The following ROBO2 variants were observed in gnomAD, a reference collection of about 807,000 sequenced individuals.
ROBO2 encodes roundabout guidance receptor 2, also known as roundabout homolog 2.
A neutral mutation model predicts 160.8 loss-of-function variants in ROBO2; 53 were observed. The ratio of observed to expected loss-of-function variants is 0.33; its 90% confidence interval spans 0.26 to 0.41. The LOEUF (loss-of-function observed/expected upper bound fraction) is 0.41, where lower values mean the gene tolerates loss of function less well. Ranked by LOEUF, ROBO2 falls within the 10% of genes least tolerant of loss-of-function variation. ROBO2 has a pLI of 1.00. For synonymous variants in ROBO2, 664 were observed against 611.7 expected (o/e 1.09, Z -1.26); for missense variants, 1,577 against 1,722.4 (o/e 0.92, Z 1.49).
chr3:76,290,015 C>T (rs959488704), intron 2 of ROBO2, among the ~76,000 whole-genome samples: 16 of 151,616 alleles, frequency 1.1e-4, no homozygotes, highest in Admixed American at 1.1e-3. Flanking sequence ...AGTTTTTTTT[C>T]CCTAATTCTA....
intron 2 of ROBO2, among the ~76,000 whole-genome samples, chr3:77,236,933 G>T (rs1472022905): frequency 6.6e-6 from 1 of 152,262 alleles, no homozygotes; most frequent in Non-Finnish European, 1.5e-5. Flanking sequence ...GAGTGCAGTG[G>T]TGCAGTCACA....
intron 2 of ROBO2, among the ~76,000 whole-genome samples, chr3:76,704,533 C>G (rs947494912): frequency 2.0e-5 from 3 of 152,016 alleles, no homozygotes; most frequent in Admixed American, 6.6e-5. Flanking sequence ...AGGGGTAACA[C>G]GATGAATCAT....
intron 24 of ROBO2, among the ~76,000 whole-genome samples, chr3:77,641,765 TAAAAG>T (rs1034696463): frequency 3.9e-5 from 6 of 152,010 alleles, no homozygotes; most frequent in Non-Finnish European, 8.8e-5. Context: ...AATACATACT[TAAAAG>T]AGAAAGAAAG....
rs530995389 is a variant in ROBO2 at position 77,291,047 on chromosome 3, G to A, written c.389-186367G>A. Reference sequence around the variant, plus strand: ...CATGAAGTAAAATTGATGGTTAAACGAGTAAGCTGAGGCTAGATCACCCCA... The same window carrying A: ...CATGAAGTAAAATTGATGGTTAAACAAGTAAGCTGAGGCTAGATCACCCCA... On this transcript the variant is annotated intron_variant, in intron 2 of 25. Coordinates refer to ENST00000461745, the Ensembl canonical transcript of ROBO2. Among the ~76,000 whole-genome samples, 68 of 150,270 alleles carry A rather than the reference G, an allele frequency of 4.5e-4. 1 individual carries two copies. Among genetic ancestry groups the A allele is most frequent in the Non-Finnish European group, 6.5e-4 (44 of 67,820 alleles).
chr3:77,186,078 T>A (rs1282559551), intron 2 of ROBO2, among the ~76,000 whole-genome samples: 1 of 151,922 alleles, frequency 6.6e-6, no homozygotes, highest in Non-Finnish European at 1.5e-5. Context: ...TTGGGTGCAG[T>A]GTGTACTGCT....
At chr3:76,408,305 G>T (rs964407157) in intron 2 of ROBO2, among the ~76,000 whole-genome samples, 2 of 151,978 alleles carry the variant, frequency 1.3e-5, no homozygotes, top group Non-Finnish European at 2.9e-5. Context: ...GGCAGTTATG[G>T]TTTTTTGCTA....
chr3:76,255,036 T>C (rs1431766096), intron 2 of ROBO2, among the ~76,000 whole-genome samples: 1 of 152,082 alleles, frequency 6.6e-6, no homozygotes, highest in Admixed American at 6.6e-5. Context: ...GACACTCAGA[T>C]GTAGGCTGAC....
intron 2 of ROBO2, among the ~76,000 whole-genome samples, chr3:77,436,333 C>CTGTT (rs71104686): frequency 0.24 from 36,667 of 151,266 alleles, 4,648 homozygotes; most frequent in Middle Eastern, 0.31. Context: ...AATACATTAT[C>CTGTT]TGTTTGTTCT....
At chr3:76,631,647 GA>G (rs5850275) in intron 2 of ROBO2, among the ~76,000 whole-genome samples, 94,298 of 151,944 alleles carry the variant, frequency 0.62, 29,416 homozygotes, top group East Asian at 0.69. Context: ...AAAGAAAATG[GA>G]AAAAATCCTT....
At chr3:76,637,840 A>G (rs533727032) in intron 2 of ROBO2, among the ~76,000 whole-genome samples, 3 of 152,322 alleles carry the variant, frequency 2.0e-5, no homozygotes, top group South Asian at 4.1e-4. Flanking sequence ...CAAAATTCAT[A>G]TAATACATGA....
chr3:77,020,167 A>T (rs926535825), intron 2 of ROBO2, among the ~76,000 whole-genome samples: 2 of 152,236 alleles, frequency 1.3e-5, no homozygotes, highest in African/African-American at 4.8e-5. Context: ...ATTTTGAGAA[A>T]ATACTTTAGA....
chr3:77,140,806 T>G (rs2150422633), intron 2 of ROBO2, among the ~76,000 whole-genome samples: 1 of 152,366 alleles, frequency 6.6e-6, no homozygotes, highest in African/African-American at 2.4e-5. Context: ...TGGGTAATTT[T>G]ATTACAAATA....
At chr3:77,146,352 G>A (rs1397859851) in intron 2 of ROBO2, among the ~76,000 whole-genome samples, 1 of 152,174 alleles carries the variant, frequency 6.6e-6, no homozygotes, top group African/African-American at 2.4e-5. Context: ...CAAACCCAGC[G>A]AGCAGGGAAA....
intron 2 of ROBO2, among the ~76,000 whole-genome samples, chr3:76,999,149 G>A (rs2061197367): frequency 6.6e-6 from 1 of 151,618 alleles, no homozygotes; most frequent in South Asian, 2.1e-4. Context: ...GAGAAGAGAA[G>A]TTTTCCTTTT....
At chr3:77,538,070 AGT>A (rs2092249369) in intron 6 of ROBO2, among the ~76,000 whole-genome samples, 1 of 151,704 alleles carries the variant, frequency 6.6e-6, no homozygotes, top group South Asian at 2.1e-4. Flanking sequence ...TGGCAAAGAA[AGT>A]GTATCACTCA....
intron 2 of ROBO2, among the ~76,000 whole-genome samples, chr3:77,034,550 A>T (rs939606304): frequency 6.6e-6 from 1 of 151,908 alleles, no homozygotes; most frequent in Non-Finnish European, 1.5e-5. Flanking sequence ...GATTACATGT[A>T]CCCTTGGATT....
intron 1 of ROBO2, among the ~76,000 whole-genome samples, chr3:75,925,923 G>A (rs1329791669): frequency 6.6e-6 from 1 of 152,120 alleles, no homozygotes; most frequent in Non-Finnish European, 1.5e-5. Context: ...TGTCTAACTT[G>A]GTAATAGGTC....
chr3:76,647,034 G>C (rs9851932), intron 2 of ROBO2, among the ~76,000 whole-genome samples: 2,133 of 152,170 alleles, frequency 0.014, 51 homozygotes, highest in African/African-American at 0.048. Flanking sequence ...CGCTTGCCTA[G>C]GACTAGAGAC....
chr3:75,927,723 A>G (rs999337649), intron 1 of ROBO2, among the ~76,000 whole-genome samples: 4 of 152,232 alleles, frequency 2.6e-5, no homozygotes, highest in African/African-American at 9.6e-5. Flanking sequence ...ATGGCCACAT[A>G]CAATACAGAT....
Sources: allele counts gnomAD v4.1 joint callset (sites outside exome capture counted in the v4.1 genomes callset), GRCh38; gene constraint gnomAD v4.1.1; transcripts MANE v1.5; gene names NCBI Gene and HGNC (gene_info 2026-07-23, HGNC 2026-07-21).